Variants in MSI2 observed in about 807,000 individuals in gnomAD.
MSI2 encodes the protein RNA-binding protein Musashi homolog 2.
A neutral mutation model predicts 45.6 loss-of-function variants in MSI2; 17 were observed. That is an observed-to-expected ratio of 0.37 (90% CI 0.26 to 0.56). MSI2 has a LOEUF of 0.56. Among genes scored for constraint, MSI2 ranks in the 20% least tolerant of loss-of-function variants. MSI2 has a pLI of 0.77. For synonymous variants in MSI2, 156 were observed against 158.2 expected (o/e 0.99, Z 0.11); for missense variants, 293 against 444.2 (o/e 0.66, Z 3.06).
chr17:57,618,987 C>T (rs1908015814), intron 9 of MSI2, among the ~76,000 whole-genome samples: 1 of 152,188 alleles, frequency 6.6e-6, no homozygotes, highest in Non-Finnish European at 1.5e-5. Context: ...CTTCAGGATC[C>T]AACTTCAGGA....
intron 5 of MSI2, among the ~76,000 whole-genome samples, chr17:57,327,344 A>G (rs1598124459): frequency 6.6e-6 from 1 of 152,232 alleles, no homozygotes; most frequent in South Asian, 2.1e-4. Flanking sequence ...CTGAGGTCAC[A>G]CAGCCAGTGT....
rs145536699 is a variant in MSI2, at chr17:57,624,283, T to A, written c.653-2946T>A. Among the ~76,000 whole-genome samples, 1,094 of 152,294 alleles carry A rather than the reference T, an allele frequency of 7.2e-3. 17 individuals carry two copies. Among genetic ancestry groups the A allele is most frequent in the African/African-American group, 0.025 (1,037 of 41,550 alleles). On this transcript the variant is annotated intron_variant, in intron 9 of 13. Transcript: ENST00000284073. ...AGAAGCAAAGGAGCCATTTTTCATC[T>A]GGAAAGCCCCTAGGCAGCCATGACT...
intron 5 of MSI2, among the ~76,000 whole-genome samples, chr17:57,371,137 T>C (rs9914697): frequency 0.69 from 104,272 of 152,002 alleles, 35,906 homozygotes; most frequent in East Asian, 0.76. Context: ...GTAAAATAGA[T>C]ACATCTCAAA....
intron 6 of MSI2, among the ~76,000 whole-genome samples, chr17:57,446,674 T>G (rs16958404): frequency 1.3e-5 from 2 of 152,208 alleles, no homozygotes; most frequent in African/African-American, 2.4e-5. Context: ...GTCAAAGAGA[T>G]GCACTCACAT....
intron 5 of MSI2, among the ~76,000 whole-genome samples, chr17:57,297,621 T>G (rs993470692): frequency 4.6e-5 from 7 of 152,228 alleles, no homozygotes; most frequent in African/African-American, 1.7e-4. Context: ...CTACATTGAT[T>G]GACTCTTCCT....
chr17:57,586,202 TG>T (rs2088342931), intron 7 of MSI2, among the ~76,000 whole-genome samples: 1 of 152,222 alleles, frequency 6.6e-6, no homozygotes, highest in Non-Finnish European at 1.5e-5. Context: ...TTGTCTGGCC[TG>T]GATCACAGGT....
At chr17:57,528,600 G>A (rs2086754005) in intron 6 of MSI2, among the ~76,000 whole-genome samples, 1 of 152,158 alleles carries the variant, frequency 6.6e-6, no homozygotes, top group African/African-American at 2.4e-5. Flanking sequence ...CACAATTCTG[G>A]AGGCTAGAAG....
intron 5 of MSI2, among the ~76,000 whole-genome samples, chr17:57,355,907 A>G (rs914073270): frequency 2.0e-5 from 3 of 152,164 alleles, no homozygotes; most frequent in African/African-American, 4.8e-5. Context: ...GACATGGGCT[A>G]TGTTTCCCAG....
At chr17:57,393,666 ATGTT>A (rs1253806739) in intron 5 of MSI2, among the ~76,000 whole-genome samples, 2 of 151,956 alleles carry the variant, frequency 1.3e-5, no homozygotes, top group Non-Finnish European at 2.9e-5. Flanking sequence ...TGGTAACACT[ATGTT>A]TGTTTATTTA....
chr17:57,475,768 G>T (rs2085525149), intron 6 of MSI2, among the ~76,000 whole-genome samples: 1 of 151,130 alleles, frequency 6.6e-6, no homozygotes, highest in Admixed American at 6.6e-5. Flanking sequence ...AGAAAAGAGT[G>T]TTGTCTGTGT....
At chr17:57,264,930 A>G (rs1054571155) in intron 5 of MSI2, 1 of 152,210 alleles carries the variant, frequency 6.6e-6, no homozygotes, top group Non-Finnish European at 1.5e-5. Flanking sequence ...TTGCCCCATC[A>G]TGTTATACCA....
chr17:57,480,172 G>A (rs1029883741), intron 6 of MSI2, among the ~76,000 whole-genome samples: 1 of 151,992 alleles, frequency 6.6e-6, no homozygotes, highest in Admixed American at 6.6e-5. Flanking sequence ...CATGTTGGCC[G>A]GGCTGCTATC....
intron 5 of MSI2, chr17:57,268,505 C>T (rs1908027297): frequency 6.6e-6 from 1 of 151,236 alleles, no homozygotes; most frequent in Admixed American, 6.6e-5. Context: ...GCCTTATCTT[C>T]TCCATTGGAC....
chr17:57,395,304 C>T (rs2083869015), intron 5 of MSI2, among the ~76,000 whole-genome samples: 1 of 152,208 alleles, frequency 6.6e-6, no homozygotes, highest in East Asian at 1.9e-4. Flanking sequence ...TAGATGGACA[C>T]GAATTTTGGA....
intron 11 of MSI2, among the ~76,000 whole-genome samples, chr17:57,662,064 TG>T (rs1392458915): frequency 1.3e-5 from 2 of 152,184 alleles, no homozygotes; most frequent in African/African-American, 4.8e-5. Flanking sequence ...ATTCTTCATA[TG>T]GATAAGTAAT....
rs554054659 is a variant in MSI2, at chr17:57,379,683, C to T, written c.313-21696C>T. Among the ~76,000 whole-genome samples, 21 of 152,216 alleles carry T rather than the reference C, an allele frequency of 1.4e-4. No homozygotes were observed. The South Asian group carries it at 1.9e-3, about 14-fold the overall frequency. On this transcript the variant is annotated intron_variant, in intron 5 of 13. Transcript: ENST00000284073. ...AGGCCCCTGCTGTCCTGCAGGCTGG[C>T]GATAAGGGGCCTGCTGGATGCTGTG...
At chr17:57,619,709 A>G (rs1908103474) in intron 9 of MSI2, among the ~76,000 whole-genome samples, 1 of 152,138 alleles carries the variant, frequency 6.6e-6, no homozygotes, top group African/African-American at 2.4e-5. Context: ...CTGAGGTGGT[A>G]GGAGACAGCA....
At chr17:57,436,724 C>T (rs866588213) in intron 6 of MSI2, among the ~76,000 whole-genome samples, 1 of 152,278 alleles carries the variant, frequency 6.6e-6, no homozygotes, top group Middle Eastern at 3.4e-3. Context: ...TCCAATGAAA[C>T]CACTCCCTTG....
Position 57,580,398 on chromosome 17 carries a change from G to A in MSI2, c.455-16470G>A, listed in dbSNP as rs543654730. 8.5e-5 allele frequency among the ~76,000 whole-genome samples: 13 copies of A among 152,194 alleles called. No individual in the cohort carries two copies. In the South Asian group the frequency reaches 2.5e-3, roughly 29 times the overall value. ...CTTGACCCCTGGCATTTGACTTCAGGGCTTGCCTTGGCCCCCAGCCTACAG... is the reference window on the plus strand; with the variant it reads ...CTTGACCCCTGGCATTTGACTTCAGAGCTTGCCTTGGCCCCCAGCCTACAG... On this transcript the variant is annotated intron_variant, in intron 7 of 13. Transcript: ENST00000284073.
Sources: gnomAD v4.1 joint callset for allele counts (sites outside exome capture counted in the v4.1 genomes callset) on GRCh38, gnomAD v4.1.1 for gene constraint, MANE v1.5 for transcripts, NCBI Gene and HGNC (gene_info 2026-07-23, HGNC 2026-07-21) for gene names.